PLXND1: variants seen among roughly 807,000 people sequenced by gnomAD.
PLXND1 encodes plexin-D1.
PLXND1 carries 54 observed loss-of-function variants against 197.7 expected under a neutral mutation model. The ratio of observed to expected loss-of-function variants is 0.27; its 90% CI spans 0.22 to 0.34. The LOEUF is 0.34. PLXND1 is among the 10% of genes least tolerant of loss of function. PLXND1 has a pLI of 1.00. For missense variants in PLXND1, 2,127 were observed against 2,699.2 expected (o/e 0.79, Z 4.70); for synonymous variants, 1,180 against 1,161.2 (o/e 1.02, Z -0.33).
chr3:129,567,351 G>A, intron 22 of PLXND1, 141 bp downstream of exon 22: 6 of 627,832 alleles, frequency 9.6e-6, no homozygotes, highest in South Asian at 9.5e-5. Context: ...GGCAGGCCAG[G>A]GCAAGTGGCC....
chr3:129,579,307 C>A (rs1214587580), intron 8 of PLXND1, among the ~76,000 whole-genome samples: 1 of 152,118 alleles, frequency 6.6e-6, no homozygotes, highest in Non-Finnish European at 1.5e-5. Context: ...CTGGGGTCCT[C>A]CGAGCTGGGG....
chr3:129,598,134 G>A lies in PLXND1; in HGVS notation c.1311+7195C>T, dbSNP rs79236855. ...GTCTTTAGCCTGCAGGCAAGGCCCA[G>A]CACACTCTCAGCTTCCCCTCGGCCT... On this transcript the variant is annotated intron_variant, in intron 1 of 35. Transcript: ENST00000324093. Among the ~76,000 whole-genome samples the A allele has an allele frequency of 1.6e-3, 243 of 152,286 alleles. 4 individuals carry two copies. The East Asian group carries it at 0.04, about 25-fold the overall frequency.
intron 34 of PLXND1, 100 bp downstream of exon 34, chr3:129,556,983 G>A (rs1428771755): frequency 2.6e-5 from 34 of 1,305,836 alleles, no homozygotes; most frequent in Non-Finnish European, 3.0e-5. Context: ...TGCCCTCTGC[G>A]CTCCCTGCCC....
At position 129,575,813 on chromosome 3, in the gene PLXND1, C is replaced by T. The variant is rs144798332; in HGVS notation, c.2389G>A (p.Glu797Lys). The change falls in exon 10 of 36, where the codon GAG becomes AAG. Residue 797 changes from glutamate to lysine, a missense_variant. This residue lies in a region of PLXND1 where 1,095 missense variants were observed against 1,259.8 expected (regional missense o/e 0.87). Coordinates refer to ENST00000324093, the MANE Select transcript of PLXND1 (RefSeq NM_015103.3). The part of the protein sequence containing the change: ...ECSFGLEEIF[E>K]AVWVNESVVR... ...ACAGACTCATTCACCCACACAGCCT[C>T]GAAGATCTCCTCCAGCCCAAAACTA... 184 of 1,613,558 alleles carry T rather than the reference C, an allele frequency of 1.1e-4. No individual in the cohort carries two copies. Among genetic ancestry groups the T allele is most frequent in the African/African-American group, 8.8e-4 (66 of 74,968 alleles).
Position 129,600,897 on chromosome 3 carries a change from G to GT in PLXND1, c.1311+4431dup, listed in dbSNP as rs200289974. On this transcript the variant is annotated intron_variant, in intron 1 of 35. Transcript: ENST00000324093. ...CATGCCAGTTTAAAACTGCCTGATG[G>GT]TTTTTTTTCCACCTTTACTATAAAA... is the stretch of plus-strand genomic sequence containing the variant. Among the ~76,000 whole-genome samples the GT allele has an allele frequency of 4.0e-3, 605 of 151,896 alleles. 2 individuals are homozygous for GT. The highest frequency in any genetic ancestry group is 0.014 in the African/African-American group (583 of 41,412).
chr3:129,569,317 TG>T (rs1434569456), intron 20 of PLXND1: 7 of 152,502 alleles, frequency 4.6e-5, no homozygotes, highest in Non-Finnish European at 1.0e-4. Flanking sequence ...TAGCTAGGGG[TG>T]GAATTGCTGG....
At chr3:129,599,803 C>T (rs1342335607) in intron 1 of PLXND1, among the ~76,000 whole-genome samples, 2 of 152,196 alleles carry the variant, frequency 1.3e-5, no homozygotes, top group Admixed American at 6.5e-5. Flanking sequence ...CTGCAGAATT[C>T]CCCACCACGG....
intron 29 of PLXND1, 159 bp from the exon 30 acceptor site, chr3:129,560,882 CAG>C (rs2108764147): frequency 1.4e-6 from 1 of 692,370 alleles, no homozygotes; most frequent in Non-Finnish European, 2.7e-6. Context: ...GAAACGGAGA[CAG>C]AGATCCAAAG....
chr3:129,580,319 G>A (rs1376581169), intron 8 of PLXND1, among the ~76,000 whole-genome samples: 1 of 152,178 alleles, frequency 6.6e-6, no homozygotes, highest in Non-Finnish European at 1.5e-5. Context: ...CCCTCTCCGG[G>A]CCTCCGTGTT....
chr3:129,561,755 G>T, intron 28 of PLXND1, 45 bp downstream of exon 28: 2 of 1,531,164 alleles, frequency 1.3e-6, no homozygotes, highest in Non-Finnish European at 8.9e-7. Flanking sequence ...AGGTTGGGGT[G>T]GGGGCATGAG....
In PLXND1 at chr3:129,606,357, C is replaced by T. The variant is rs1382102748; in HGVS notation, c.283G>A (p.Val95Met). The T allele has an allele frequency of 1.4e-6, 2 of 1,469,392 alleles. No individual in the cohort carries two copies. Among genetic ancestry groups the T allele is most frequent in the Non-Finnish European group, 1.8e-6 (2 of 1,119,564 alleles). The allele number at this position is 1,469,392 out of a possible 1,614,324, so 91.0% of individuals were successfully genotyped here. The part of the protein sequence containing the change: ...ANLSLEAEAA[V>M]GPVPDSPLCH... ...AGCGGGCTGTCGGGCACCGGGCCCACGGCCGCCTCGGCCTCCAGGCTCAGG... is the reference window on the plus strand; with the variant it reads ...AGCGGGCTGTCGGGCACCGGGCCCATGGCCGCCTCGGCCTCCAGGCTCAGG... The change falls in exon 1 of 36, where the codon GTG becomes ATG. Residue 95 changes from valine (V) to methionine (M), a missense_variant. Physicochemically the swap from Val to Met is conservative, Grantham distance 21. Transcript: ENST00000324093.
rs372292093 is a variant in PLXND1 at position 129,561,895 on chromosome 3, C to T, written c.4834G>A (p.Ala1612Thr). 1.2e-5 allele frequency: 20 copies of T among 1,612,668 alleles called. No homozygotes were observed. In the African/African-American group the frequency reaches 1.5e-4, roughly 12 times the overall value. The stretch of plus-strand genomic sequence containing the variant: ...AGGATGTAGCTCTGTGTGCTGGAGG[C>T]GAACCACTCTGGGGGACAAGGGACA... Reference protein sequence around the residue: ...RAEDVDLEWFASSTQSYILRD... With the variant: ...RAEDVDLEWFTSSTQSYILRD... The change falls in exon 28 of 36, where the codon GCC (alanine) becomes ACC (threonine). Residue 1612 changes from alanine (A) to threonine (T), a missense_variant. Physicochemically the swap from Ala to Thr is moderately conservative, Grantham distance 58. This residue lies in a region of PLXND1 where 532 missense variants were observed against 811.0 expected (regional missense o/e 0.66). Coordinates refer to ENST00000324093, the MANE Select transcript of PLXND1 (RefSeq NM_015103.3).
chr3:129,599,264 C>A (rs571408815), intron 1 of PLXND1, among the ~76,000 whole-genome samples: 9 of 152,238 alleles, frequency 5.9e-5, no homozygotes, highest in Non-Finnish European at 8.8e-5. Flanking sequence ...TTCTGCCGGG[C>A]CCGATGCGCG....
intron 8 of PLXND1, among the ~76,000 whole-genome samples, chr3:129,581,447 G>A (rs952897165): frequency 3.9e-5 from 6 of 152,146 alleles, no homozygotes; most frequent in African/African-American, 1.4e-4. Flanking sequence ...GACCCAGCAC[G>A]AAGGTCCCCT....
chr3:129,570,673 T>C (rs2108774254), intron 19 of PLXND1, 113 bp downstream of exon 19: 1 of 1,014,292 alleles, frequency 9.9e-7, no homozygotes, highest in East Asian at 2.4e-5. Flanking sequence ...TGGACTGAGC[T>C]GTTGAGCGTG....
intron 21 of PLXND1, 41 bp downstream of exon 21, chr3:129,567,657 G>A (rs1340455356): frequency 9.5e-6 from 15 of 1,576,170 alleles, no homozygotes; most frequent in Non-Finnish European, 1.3e-5. Flanking sequence ...CCCCTAGGAG[G>A]GAAAGTTGAG....
At chr3:129,568,145 T>A (rs544879998) in intron 20 of PLXND1, among the ~76,000 whole-genome samples, 3 of 152,350 alleles carry the variant, frequency 2.0e-5, no homozygotes, top group Admixed American at 6.5e-5. Flanking sequence ...TAACAGTGGC[T>A]TTCCTGGGTG....
chr3:129,605,838 T>C lies in PLXND1; in HGVS notation c.802A>G (p.Lys268Glu), dbSNP rs1339148882. ...NPSDDNILKI[K>E]QGAKEQHKLG... ...TTGTGCTGCTCCTTGGCGCCCTGCT[T>C]GATCTTGAGGATGTTGTCGTCGGAG... is the stretch of plus-strand genomic sequence containing the variant. Residue 268 changes from lysine (K) to glutamate (E), a missense_variant, in exon 1 of 36, where the codon AAG becomes GAG. Lys to Glu is a moderately conservative substitution (Grantham distance 56). This residue lies in a region of PLXND1 where 1,095 missense variants were observed against 1,259.8 expected (regional missense o/e 0.87). Transcript: ENST00000324093. 1 of 1,612,838 alleles carries C rather than the reference T, an allele frequency of 6.2e-7. No homozygotes were observed. Among genetic ancestry groups the C allele is most frequent in the African/African-American group, 1.3e-5 (1 of 74,854 alleles).
rs373826261 is a variant in PLXND1 at position 129,592,839 on chromosome 3, C to T, written c.1312-3312G>A. The stretch of plus-strand genomic sequence containing the variant: ...ATCACAAGGCAAACCGGCTCAAACA[C>T]GGAAGCCCAGCGTGGCGGGAAGTGC... On this transcript the variant is annotated intron_variant, in intron 1 of 35. Transcript: ENST00000324093. 5.6e-4 allele frequency among the ~76,000 whole-genome samples: 86 copies of T among 152,330 alleles called. No individual in the cohort carries two copies. In the East Asian group the frequency reaches 0.011, roughly 20 times the overall value.
Sources: gnomAD v4.1 joint callset for allele counts (sites outside exome capture counted in the v4.1 genomes callset) on GRCh38, gnomAD v4.1.1 for gene constraint, gnomAD v4.1.1 regional missense constraint, MANE v1.5 for transcripts, NCBI Gene and HGNC (gene_info 2026-07-23, HGNC 2026-07-21) for gene names.